ERBB4: variants seen among roughly 807,000 people sequenced by gnomAD.
ERBB4 encodes receptor tyrosine-protein kinase erbB-4.
Under a neutral mutation model 158.0 loss-of-function variants are expected in ERBB4, and 42 were observed. The observed-to-expected ratio is 0.27, with a 90% CI of 0.21 to 0.34. ERBB4 has a LOEUF of 0.34. ERBB4 is among the 10% of genes least tolerant of loss of function. ERBB4 has a pLI of 1.00. For missense variants in ERBB4, 1,333 were observed against 1,624.1 expected (o/e 0.82, Z 3.08); for synonymous variants, 583 against 558.7 (o/e 1.04, Z -0.61).
Position 211,707,597 on chromosome 2 carries a change from A to G in ERBB4, c.1125-2206T>C, listed in dbSNP as rs1017346479. ...TGTCTCATTGTGACACAACATGAAC[A>G]TGCTTATTTGGTGAGCATTTGGTTA... On this transcript the variant is annotated intron_variant, in intron 9 of 27. Coordinates refer to ENST00000342788, the MANE Select transcript of ERBB4 (RefSeq NM_005235.3). Among the ~76,000 whole-genome samples, 3 of 152,298 alleles carry G rather than the reference A, an allele frequency of 2.0e-5. No homozygotes were observed. In the South Asian group the frequency reaches 6.2e-4, roughly 32 times the overall value.
At chr2:211,665,204 A>C (rs952104535) in intron 15 of ERBB4, 119 bp downstream of exon 15, 1 of 1,022,026 alleles carries the variant, frequency 9.8e-7, no homozygotes. Context: ...TCAGCATTTT[A>C]AATATAAGGA....
intron 2 of ERBB4, among the ~76,000 whole-genome samples, chr2:211,974,746 A>G (rs1165041732): frequency 6.6e-6 from 1 of 152,192 alleles, no homozygotes; most frequent in East Asian, 1.9e-4. Flanking sequence ...TGGGTGACAA[A>G]GTGAAACACT....
At chr2:211,650,232 A>G (rs190776037) in intron 16 of ERBB4, among the ~76,000 whole-genome samples, 1 of 152,150 alleles carries the variant, frequency 6.6e-6, no homozygotes, top group Admixed American at 6.5e-5. Flanking sequence ...AAAAACAGAA[A>G]CTTTGATCTC....
chr2:211,960,362 A>G (rs1166201979), intron 2 of ERBB4, among the ~76,000 whole-genome samples: 1 of 152,140 alleles, frequency 6.6e-6, no homozygotes, highest in Admixed American at 6.6e-5. Flanking sequence ...TCCATAAAAT[A>G]CATATAAACC....
intron 1 of ERBB4, among the ~76,000 whole-genome samples, chr2:212,337,683 T>C (rs1032782185): frequency 1.3e-5 from 2 of 152,018 alleles, no homozygotes; most frequent in Non-Finnish European, 2.9e-5. Context: ...GCAATCTGAG[T>C]TGGGGAAACA....
At chr2:211,862,053 A>G (rs2106081483) in intron 3 of ERBB4, among the ~76,000 whole-genome samples, 1 of 152,320 alleles carries the variant, frequency 6.6e-6, no homozygotes, top group South Asian at 2.1e-4. Flanking sequence ...TTATTCAAAA[A>G]TTTTATTTAA....
chr2:212,082,189 T>A (rs2078465705), intron 2 of ERBB4, among the ~76,000 whole-genome samples: 1 of 152,128 alleles, frequency 6.6e-6, no homozygotes, highest in Admixed American at 6.6e-5. Flanking sequence ...AGAAAAACAG[T>A]GTTTACTATG....
chr2:211,571,035 C>CTCTTTTTTTTTTTTT (rs1553571913), intron 19 of ERBB4, among the ~76,000 whole-genome samples: 1 of 81,218 alleles, frequency 1.2e-5, no homozygotes, highest in African/African-American at 5.2e-5. Flanking sequence ...TCTGAGTACT[C>CTCTTTTTTTTTTTTT]TTCTTCTTTT....
chr2:212,510,239 T>C (rs898733998), intron 1 of ERBB4, among the ~76,000 whole-genome samples: 10 of 129,348 alleles, frequency 7.7e-5, no homozygotes, highest in Non-Finnish European at 1.1e-4. Flanking sequence ...ATATAACTAC[T>C]CCCATCCAAT....
At chr2:212,307,142 G>A (rs1675875713) in intron 1 of ERBB4, among the ~76,000 whole-genome samples, 1 of 150,966 alleles carries the variant, frequency 6.6e-6, no homozygotes, top group African/African-American at 2.4e-5. Context: ...GTGTATCCTG[G>A]GCTCAGTCAT....
chr2:211,570,767 G>A lies in ERBB4; in HGVS notation c.2302-8679C>T, dbSNP rs568817827. ...ATCTGTACATTAGGGATATTTGTCAGTCCCCCTTTAGCTATTTCTTCATGT... is the reference window on the plus strand; with the variant it reads ...ATCTGTACATTAGGGATATTTGTCAATCCCCCTTTAGCTATTTCTTCATGT... On this transcript the variant is annotated intron_variant, in intron 19 of 27. Transcript: ENST00000342788. Among the ~76,000 whole-genome samples, 47 of 152,092 alleles carry A rather than the reference G, an allele frequency of 3.1e-4. 1 individual carries two copies. The highest frequency in any genetic ancestry group is 1.1e-3 in the African/African-American group (45 of 41,482).
intron 1 of ERBB4, among the ~76,000 whole-genome samples, chr2:212,325,253 G>C (rs979645130): frequency 3.3e-5 from 5 of 150,456 alleles, no homozygotes; most frequent in Non-Finnish European, 7.4e-5. Flanking sequence ...TGAATATAAA[G>C]GTAGTCCATA....
intron 25 of ERBB4, among the ~76,000 whole-genome samples, chr2:211,406,335 T>C (rs1409582436): frequency 6.6e-6 from 1 of 152,202 alleles, no homozygotes; most frequent in East Asian, 1.9e-4. Context: ...ATGGATCAAT[T>C]ATTGAATGAA....
intron 20 of ERBB4, among the ~76,000 whole-genome samples, chr2:211,492,416 T>C (rs1031632605): frequency 2.6e-5 from 4 of 152,152 alleles, no homozygotes; most frequent in Admixed American, 2.6e-4. Flanking sequence ...ATTAAGCTAA[T>C]AAAACAGTTT....
intron 1 of ERBB4, among the ~76,000 whole-genome samples, chr2:212,418,471 C>G (rs920562690): frequency 6.6e-6 from 1 of 150,988 alleles, no homozygotes; most frequent in African/African-American, 2.4e-5. Context: ...AATTTTCACA[C>G]TAGTTTTATT....
chr2:212,432,392 T>C (rs757195061), intron 1 of ERBB4, among the ~76,000 whole-genome samples: 26 of 152,156 alleles, frequency 1.7e-4, no homozygotes, highest in Non-Finnish European at 3.1e-4. Flanking sequence ...ACTTGTAATA[T>C]GATTAAATAG....
chr2:212,437,397 T>C (rs1164376251), intron 1 of ERBB4, among the ~76,000 whole-genome samples: 1 of 151,938 alleles, frequency 6.6e-6, no homozygotes, highest in Non-Finnish European at 1.5e-5. Context: ...TAGCAATTTT[T>C]GAGTTCTAAA....
intron 2 of ERBB4, among the ~76,000 whole-genome samples, chr2:212,018,620 T>A (rs1473637): frequency 0.63 from 95,393 of 152,052 alleles, 33,315 homozygotes; most frequent in East Asian, 0.93. Context: ...TATAGAGAAA[T>A]GCATTTACTC....
Position 212,141,668 on chromosome 2 carries a change from C to A in ERBB4, c.83-16765G>T, listed in dbSNP as rs555480672. 2.6e-5 allele frequency among the ~76,000 whole-genome samples: 4 copies of A among 152,118 alleles called. No homozygotes were observed. In the East Asian group the frequency reaches 7.7e-4, roughly 29 times the overall value. ...CTAGTCAGTCAACTATTCTCTCTTT[C>A]CATAACCCAGTTATAAAAGCCACAA... On this transcript the variant is annotated intron_variant, in intron 1 of 27. Coordinates refer to ENST00000342788, the MANE Select transcript of ERBB4 (RefSeq NM_005235.3).
Sources: allele counts gnomAD v4.1 joint callset (sites outside exome capture counted in the v4.1 genomes callset), GRCh38; gene constraint gnomAD v4.1.1; transcripts MANE v1.5; gene names NCBI Gene and HGNC (gene_info 2026-07-23, HGNC 2026-07-21).